SLC19A1: variants seen among roughly 807,000 people sequenced by gnomAD.
The protein encoded by SLC19A1 is solute carrier family 19 member 1, also known as reduced folate transporter.
Under a neutral mutation model 35.3 loss-of-function variants are expected in SLC19A1, and 37 were observed. The ratio of observed to expected loss-of-function variants is 1.05; its 90% CI spans 0.81 to 1.38. The LOEUF (loss-of-function observed/expected upper bound fraction) is 1.38, where lower values mean the gene tolerates loss of function less well. Among genes scored for constraint, SLC19A1 ranks in the 40% most tolerant of loss-of-function variants. SLC19A1 has a pLI of 0.00. For synonymous variants in SLC19A1, 460 were observed against 398.5 expected (o/e 1.15, Z -1.84); for missense variants, 831 against 826.9 (o/e 1.00, Z -0.06).
chr21:45,506,754 C>T (rs2037228262), intron 3 of SLC19A1: 1 of 27,906 alleles, frequency 3.6e-5, no homozygotes, highest in African/African-American at 2.3e-4. Context: ...TAGAGCCCTC[C>T]CACCTTCCCT....
chr21:45,539,388 T>C (rs545379681), intron 1 of SLC19A1, among the ~76,000 whole-genome samples: 2 of 152,212 alleles, frequency 1.3e-5, no homozygotes, highest in Non-Finnish European at 2.9e-5. Context: ...CCATCTGCAC[T>C]GGGCTGACAG....
upstream of SLC19A1, among the ~76,000 whole-genome samples, chr21:45,546,291 C>T (rs966233086): frequency 2.4e-4 from 37 of 152,252 alleles, no homozygotes; most frequent in African/African-American, 8.9e-4. Flanking sequence ...CCTGGAGCCC[C>T]GGAGCTCCTG....
At chr21:45,510,980 CCACA>C, downstream of SLC19A1, 1 of 23,526 alleles carries the variant, frequency 4.3e-5, no homozygotes. Context: ...CAAACACCCC[CCACA>C]CCCCACACAC....
intron 3 of SLC19A1, chr21:45,505,323 G>A: frequency 1.3e-6 from 2 of 1,597,600 alleles, no homozygotes; most frequent in Non-Finnish European, 1.7e-6. Context: ...CGCCTCGTGT[G>A]GCTTCGTGTT....
chr21:45,561,690 G>A (rs530206730), intron 1 of SLC19A1, among the ~76,000 whole-genome samples: 1 of 152,264 alleles, frequency 6.6e-6, no homozygotes, highest in Admixed American at 6.5e-5. Context: ...GAACCCAGGA[G>A]GCGGAGGTTG....
intron 5 of SLC19A1, among the ~76,000 whole-genome samples, chr21:45,521,538 G>A (rs570060267): frequency 6.6e-6 from 1 of 152,262 alleles, no homozygotes; most frequent in African/African-American, 2.4e-5. Flanking sequence ...TATACGGAAA[G>A]GCAAAGAAAC....
At chr21:45,537,414 G>C (rs1167505550) in intron 2 of SLC19A1, among the ~76,000 whole-genome samples, 1 of 151,316 alleles carries the variant, frequency 6.6e-6, no homozygotes, top group Non-Finnish European at 1.5e-5. Flanking sequence ...CCCACCCATA[G>C]GCGGCCGCCC....
At chr21:45,556,407 G>A (rs1005457895) in intron 1 of SLC19A1, among the ~76,000 whole-genome samples, 4 of 152,268 alleles carry the variant, frequency 2.6e-5, no homozygotes, top group African/African-American at 9.6e-5. Flanking sequence ...GGCCTCCCCC[G>A]CTGCTCCCCA....
At chr21:45,544,819 C>T (rs2078396206), upstream of SLC19A1, among the ~76,000 whole-genome samples, 1 of 152,136 alleles carries the variant, frequency 6.6e-6, no homozygotes, top group Admixed American at 6.5e-5. Flanking sequence ...AGCTCCTGGG[C>T]CCCCACTCCC....
chr21:45,561,333 C>A (rs972144116), intron 1 of SLC19A1, among the ~76,000 whole-genome samples: 1 of 152,148 alleles, frequency 6.6e-6, no homozygotes, highest in Admixed American at 6.5e-5. Flanking sequence ...AATAAATGAA[C>A]CTCTTTCAAG....
chr21:45,516,585 A>AC (rs762446420), intron 5 of SLC19A1, among the ~76,000 whole-genome samples: 29 of 152,162 alleles, frequency 1.9e-4, no homozygotes, highest in Non-Finnish European at 3.7e-4. Context: ...GCCCAGAGCA[A>AC]CCCCCAGCAG....
In SLC19A1 at chr21:45,561,464, T is replaced by C. The variant is rs1161184871; in HGVS notation, c.-50+1278A>G. Among the ~76,000 whole-genome samples the C allele has an allele frequency of 2.0e-5, 3 of 152,218 alleles. No individual in the cohort carries two copies. In the East Asian group the frequency reaches 5.8e-4, roughly 29 times the overall value. On this transcript the variant is annotated intron_variant, in intron 1 of 5. Coordinates refer to the SLC19A1 transcript ENST00000650808. ...CAGCTGCAAGTGCTGGACTCTGCAT[T>C]GGAAGTGAGGGTGAGGCCGGGCGCG...
intron 5 of SLC19A1, among the ~76,000 whole-genome samples, chr21:45,520,413 G>C (rs368535863): frequency 6.6e-6 from 1 of 152,248 alleles, no homozygotes; most frequent in South Asian, 2.1e-4. Flanking sequence ...AATTATCTAC[G>C]TAGAAAATCT....
In SLC19A1 at chr21:45,525,701, G is replaced by A. The variant is rs58179495; in HGVS notation, c.1293+116C>T. ...GTGTCCCACTGGAAGCCCCAGGCCC[G>A]CACCCTGTGCCCCCAGCCCACAGTG... On this transcript the variant is annotated intron_variant, in intron 5 of 5. Coordinates refer to ENST00000311124, the MANE Select transcript of SLC19A1 (RefSeq NM_194255.4). 3,218 of 1,221,866 alleles carry A rather than the reference G, an allele frequency of 2.6e-3. 105 individuals are homozygous for A. The East Asian group carries it at 0.058, about 22-fold the overall frequency. The allele number at this position is 1,221,866 out of a possible 1,614,324, so 75.7% of individuals were successfully genotyped here.
Position 45,534,205 on chromosome 21 carries a change from T to A in SLC19A1, c.190-2057A>T, listed in dbSNP as rs2078030703. On this transcript the variant is annotated intron_variant, in intron 2 of 5. Transcript: ENST00000311124. The surrounding 1 kb of genome is among the most constrained non-coding windows in gnomAD (Gnocchi z 4.2). ...CTTCTGCACTGTGTTTACAGCAATG[T>A]CCTGGGGACATCAAACAGCCCCTCT... is the stretch of plus-strand genomic sequence containing the variant. Among the ~76,000 whole-genome samples, 1 of 152,138 alleles carries A rather than the reference T, an allele frequency of 6.6e-6. No individual in the cohort carries two copies. The highest frequency in any genetic ancestry group is 2.4e-5 in the African/African-American group (1 of 41,428).
At chr21:45,520,552 G>A (rs561911983) in intron 5 of SLC19A1, among the ~76,000 whole-genome samples, 8 of 152,258 alleles carry the variant, frequency 5.3e-5, no homozygotes, top group Non-Finnish European at 1.0e-4. Context: ...CACTAGCAAC[G>A]AACATGTATA....
downstream of SLC19A1, chr21:45,509,964 G>T: frequency 6.6e-6 from 9 of 1,368,340 alleles, no homozygotes; most frequent in East Asian, 7.6e-5. Flanking sequence ...CCCCTCGGCC[G>T]TGCCTGTCCA....
At chr21:45,505,460 C>T (rs1220821452) in intron 3 of SLC19A1, 1 of 1,241,606 alleles carries the variant, frequency 8.1e-7, no homozygotes. Context: ...GGCTGGGCAC[C>T]TGCGTCCCGT....
At chr21:45,504,593 A>C (rs770663430) in intron 3 of SLC19A1, 10 of 1,546,972 alleles carry the variant, frequency 6.5e-6, no homozygotes, top group Middle Eastern at 2.2e-4. Flanking sequence ...CCCATGTCCC[A>C]GGGGTCTGGG....
Sources: gnomAD v4.1 joint callset for allele counts (sites outside exome capture counted in the v4.1 genomes callset) on GRCh38, gnomAD v4.1.1 for gene constraint, Gnocchi (gnomAD v3.1) non-coding constraint, MANE v1.5 for transcripts, NCBI Gene and HGNC (gene_info 2026-07-23, HGNC 2026-07-21) for gene names.